ARHGEF38: variants seen among roughly 807,000 people sequenced by gnomAD.
ARHGEF38 encodes the protein Rho guanine nucleotide exchange factor 38.
In ARHGEF38, 79 loss-of-function variants were observed where a neutral mutation model predicts 79.9. That is an observed-to-expected ratio of 0.99 (90% confidence interval 0.82 to 1.19). The LOEUF is 1.19. ARHGEF38 is among the 50% of genes most tolerant of loss of function. The pLI, the probability that ARHGEF38 is intolerant of heterozygous loss-of-function variation, is 0.00. For synonymous variants in ARHGEF38, 366 were observed against 328.3 expected, an observed-to-expected ratio of 1.11 and a Z score of -1.24; for missense variants, 962 against 907.2, an observed-to-expected ratio of 1.06 and a Z score of -0.78.
intron 2 of ARHGEF38, among the ~76,000 whole-genome samples, chr4:105,605,347 T>G (rs1217738774): frequency 6.6e-6 from 1 of 152,144 alleles, no homozygotes; most frequent in African/African-American, 2.4e-5. Context: ...TTCTCGAGTT[T>G]GAACCCAGCC....
At chr4:105,634,482 G>A (rs538298123) in intron 4 of ARHGEF38, among the ~76,000 whole-genome samples, 121 of 152,262 alleles carry the variant, frequency 7.9e-4, no homozygotes, top group Non-Finnish European at 1.3e-3. Flanking sequence ...AGTTATGGAA[G>A]TTATTTGCTA....
chr4:105,563,301 G>C (rs1232916817), intron 1 of ARHGEF38: 2 of 152,238 alleles, frequency 1.3e-5, no homozygotes, highest in Middle Eastern at 6.8e-3. Flanking sequence ...AATCCAATTA[G>C]GACTTTTAGG....
At chr4:105,602,111 A>G (rs1727847396) in intron 2 of ARHGEF38, among the ~76,000 whole-genome samples, 1 of 152,180 alleles carries the variant, frequency 6.6e-6, no homozygotes, top group Non-Finnish European at 1.5e-5. Flanking sequence ...TGGGATTTGC[A>G]CTGAGTAAAC....
intron 1 of ARHGEF38, among the ~76,000 whole-genome samples, chr4:105,577,796 T>G (rs1270686270): frequency 1.3e-5 from 2 of 152,202 alleles, no homozygotes; most frequent in African/African-American, 4.8e-5. Context: ...CATTTCTAAT[T>G]GAGCATATTT....
chr4:105,654,523 T>C (rs1188015911), intron 8 of ARHGEF38, among the ~76,000 whole-genome samples: 1 of 152,230 alleles, frequency 6.6e-6, no homozygotes, highest in African/African-American at 2.4e-5. Context: ...CTAACACATC[T>C]CTTTCTAGTA....
chr4:105,613,987 T>C (rs1560722232), intron 3 of ARHGEF38, among the ~76,000 whole-genome samples: 2 of 152,206 alleles, frequency 1.3e-5, no homozygotes, highest in African/African-American at 2.4e-5. Context: ...TCTACTTTTT[T>C]TCATGCTCTC....
chr4:105,627,174 T>C (rs1728981920), intron 3 of ARHGEF38, among the ~76,000 whole-genome samples: 1 of 152,190 alleles, frequency 6.6e-6, no homozygotes, highest in Admixed American at 6.5e-5. Flanking sequence ...TGCATGATGA[T>C]CATCGAGTAA....
chr4:105,645,485 G>A (rs1729800856), intron 6 of ARHGEF38, 98 bp downstream of exon 6: 16 of 1,021,130 alleles, frequency 1.6e-5, no homozygotes, highest in Non-Finnish European at 2.0e-5. Flanking sequence ...AGCAGCTGCA[G>A]TGAACTGATC....
chr4:105,594,249 A>T (rs1727473378), intron 2 of ARHGEF38, among the ~76,000 whole-genome samples: 1 of 152,178 alleles, frequency 6.6e-6, no homozygotes, highest in African/African-American at 2.4e-5. Context: ...TGAGGTAGTT[A>T]GTTGACACCA....
rs4699191 is a variant in ARHGEF38 at position 105,589,062 on chromosome 4, G to A, written c.197-186G>A. On this transcript the variant is annotated intron_variant, in intron 1 of 13. Transcript: ENST00000420470. The stretch of plus-strand genomic sequence containing the variant: ...TTAACTCACTTGTTAGAGGAAGTTC[G>A]CTCCCACTTTTCTTCTTGCTTATAG... Among the ~76,000 whole-genome samples, 796 of 152,256 alleles carry A rather than the reference G, an allele frequency of 5.2e-3. 15 individuals are homozygous for A. Among genetic ancestry groups the A allele is most frequent in the East Asian group, 0.044 (229 of 5,176 alleles).
At chr4:105,582,028 G>T (rs1266825813) in intron 1 of ARHGEF38, among the ~76,000 whole-genome samples, 1 of 151,926 alleles carries the variant, frequency 6.6e-6, no homozygotes. Flanking sequence ...GGCTGGGTGT[G>T]GTGGCGGGCG....
intron 1 of ARHGEF38, among the ~76,000 whole-genome samples, chr4:105,553,831 G>A (rs1725120242): frequency 1.3e-5 from 2 of 152,084 alleles, no homozygotes; most frequent in Admixed American, 1.3e-4. Context: ...TTAGCACAAG[G>A]TGTGTCTGAA....
Position 105,679,619 on chromosome 4 carries a change from C to T in ARHGEF38, c.*1682C>T, listed in dbSNP as rs1731241656. The T allele has an allele frequency of 1.2e-6, 1 of 841,104 alleles. No individual in the cohort carries two copies. The highest frequency in any genetic ancestry group is 1.7e-5 in the Admixed American group (1 of 58,214). The allele number at this position is 841,104 out of a possible 1,614,324, so 52.1% of individuals were successfully genotyped here. A position where few individuals can be genotyped will look rare whatever the true frequency, so the allele number is the denominator to read the frequency against. Reference sequence around the variant, plus strand: ...ATGGTTGGAAAAAAATCAACAGCAGCATAAGAAATGGAAGCCAGAGACCTT... The same window carrying T: ...ATGGTTGGAAAAAAATCAACAGCAGTATAAGAAATGGAAGCCAGAGACCTT... On this transcript the variant is annotated 3_prime_UTR_variant, in exon 14 of 14. Coordinates refer to ENST00000420470, the MANE Select transcript of ARHGEF38 (RefSeq NM_001242729.2).
At chr4:105,558,679 T>C (rs1725368037) in intron 1 of ARHGEF38, among the ~76,000 whole-genome samples, 1 of 152,192 alleles carries the variant, frequency 6.6e-6, no homozygotes, top group Non-Finnish European at 1.5e-5. Context: ...TCAAATAATG[T>C]GTGAGTCACA....
intron 3 of ARHGEF38, 82 bp from the exon 4 acceptor site, chr4:105,630,816 G>C: frequency 7.9e-7 from 1 of 1,270,362 alleles, no homozygotes; most frequent in Admixed American, 2.4e-5. Context: ...TTTTTGACAC[G>C]AGTCGACATT....
At chr4:105,623,559 C>A (rs2110507082) in intron 3 of ARHGEF38, among the ~76,000 whole-genome samples, 2 of 152,232 alleles carry the variant, frequency 1.3e-5, no homozygotes, top group East Asian at 1.9e-4. Flanking sequence ...CTCAGAGAAC[C>A]AATGTTGCCT....
intron 9 of ARHGEF38, among the ~76,000 whole-genome samples, chr4:105,657,618 A>G (rs966908258): frequency 3.3e-5 from 5 of 152,218 alleles, no homozygotes; most frequent in Admixed American, 6.5e-5. Flanking sequence ...TAATACTGTA[A>G]TTAGATTACC....
intron 6 of ARHGEF38, 131 bp from the exon 7 acceptor site, chr4:105,648,418 C>A: frequency 1.2e-6 from 1 of 817,044 alleles, no homozygotes. Flanking sequence ...CATATGGCCT[C>A]TGCAGCAGAG....
rs1730799519 is a variant in ARHGEF38, at chr4:105,667,594, G to C, written c.2039G>C (p.Gly680Ala). Reference protein sequence around the residue: ...SSRPASDSVTGTSESSIGDSS... With the variant: ...SSRPASDSVTATSESSIGDSS... ...CGGCCAGCTAGTGACAGTGTCACAGGCACCTCAGAAAGCAGCATTGGTGAT... is the reference window on the plus strand; with the variant it reads ...CGGCCAGCTAGTGACAGTGTCACAGCCACCTCAGAAAGCAGCATTGGTGAT... The change falls in exon 13 of 14, where the codon GGC becomes GCC. Residue 680 changes from glycine (G) to alanine (A), a missense_variant. Gly to Ala is a moderately conservative substitution (Grantham distance 60, BLOSUM62 0). Transcript: ENST00000420470. 2 of 1,536,690 alleles carry C rather than the reference G, an allele frequency of 1.3e-6. No homozygotes were observed. Among genetic ancestry groups the C allele is most frequent in the African/African-American group, 2.7e-5 (2 of 73,162 alleles).
Sources: allele counts gnomAD v4.1 joint callset (sites outside exome capture counted in the v4.1 genomes callset), GRCh38; gene constraint gnomAD v4.1.1; transcripts MANE v1.5; gene names NCBI Gene and HGNC (gene_info 2026-07-23, HGNC 2026-07-21).